WASHC2C: variants seen among roughly 807,000 people sequenced by gnomAD.
WASHC2C encodes Vaccinia Penetration Factor.
A neutral mutation model predicts 142.2 loss-of-function variants in WASHC2C; 73 were observed. The observed-to-expected ratio is 0.51, with a 90% confidence interval of 0.43 to 0.62. The LOEUF is 0.62. WASHC2C is among the 20% of genes least tolerant of loss of function. The pLI, the probability that WASHC2C is intolerant of heterozygous loss-of-function variation, is 0.00. For synonymous variants in WASHC2C, 337 were observed against 565.5 expected, an observed-to-expected ratio of 0.60 and a Z score of 5.73; for missense variants, 969 against 1,531.7, an observed-to-expected ratio of 0.63 and a Z score of 6.13.
Position 45,727,558 on chromosome 10 carries a change from G to C in WASHC2C, c.126+19G>C, listed in dbSNP as rs748350056. On this transcript the variant is annotated intron_variant, in intron 2 of 30. Transcript: ENST00000623400. ...CGCGGGCGTGAGAGGCGGGCCCCGG[G>C]GACGCGAGAGCGGCAGGGGTGACGC... 1.9e-6 allele frequency: 3 copies of C among 1,563,106 alleles called. No homozygotes were observed. The South Asian group carries it at 3.5e-5, about 18-fold the overall frequency.
chr10:45,783,766 G>A (rs1280271769), intron 23 of WASHC2C, among the ~76,000 whole-genome samples: 9 of 152,140 alleles, frequency 5.9e-5, no homozygotes, highest in African/African-American at 2.2e-4. Context: ...TGGCCTTTTT[G>A]TTAAGTTTTA....
chr10:45,784,089 C>A (rs1554888755), intron 23 of WASHC2C, among the ~76,000 whole-genome samples: 1 of 151,592 alleles, frequency 6.6e-6, no homozygotes, highest in African/African-American at 2.4e-5. Flanking sequence ...GAAGAGAATT[C>A]ATTCAGTTGT....
chr10:45,779,327 T>C (rs1340046012), intron 23 of WASHC2C, among the ~76,000 whole-genome samples, 192 bp downstream of exon 23: 3 of 146,140 alleles, frequency 2.1e-5, no homozygotes, highest in Admixed American at 2.0e-4. Flanking sequence ...AGTGTTAGGA[T>C]AGGGGATTAG....
intron 23 of WASHC2C, among the ~76,000 whole-genome samples, chr10:45,779,407 A>G (rs1554887422): frequency 6.6e-6 from 1 of 151,544 alleles, no homozygotes; most frequent in African/African-American, 2.4e-5. Context: ...CCCCTTGGCC[A>G]GTTGTGGGAT....
In WASHC2C at chr10:45,770,615, AT is replaced by A. The variant is rs1161662040; in HGVS notation, c.2039+999del. Among the ~76,000 whole-genome samples the A allele has an allele frequency of 3.9e-5, 6 of 152,340 alleles. No homozygotes were observed. In the South Asian group the frequency reaches 8.3e-4, roughly 21 times the overall value. ...GGTGTGGTTAAGCGTCATTTGATAG[AT>A]TCAGAAGTACCTCAGGTTTCTGTCT... is the stretch of plus-strand genomic sequence containing the variant. On this transcript the variant is annotated intron_variant, in intron 20 of 30. Transcript: ENST00000623400.
At chr10:45,757,927 G>A (rs1190843863) in intron 16 of WASHC2C, among the ~76,000 whole-genome samples, 1 of 152,254 alleles carries the variant, frequency 6.6e-6, no homozygotes, top group Non-Finnish European at 1.5e-5. Flanking sequence ...CAGGGTTGGG[G>A]ACCCCTGCTT....
Position 45,755,104 on chromosome 10 carries a change from C to A in WASHC2C, c.1409C>A (p.Pro470His). The A allele has an allele frequency of 6.2e-7, 1 of 1,608,628 alleles. No individual in the cohort carries two copies. Among genetic ancestry groups the A allele is most frequent in the Non-Finnish European group, 8.5e-7 (1 of 1,178,340 alleles). Residue 470 changes from proline (P) to histidine (H), a missense_variant, in exon 15 of 31, where the codon CCT (proline) becomes CAT (histidine). Coordinates refer to ENST00000623400, the MANE Select transcript of WASHC2C (RefSeq NM_001330074.2). ...DDFFSAPHSK[P>H]SKTRKVQSTA... The stretch of plus-strand genomic sequence containing the variant: ...TTTTTCTCGGCACCCCACAGCAAAC[C>A]TTCTAAAACACGTATGTGTTCCTGC...
At chr10:45,785,781 C>T (rs1294429318) in intron 26 of WASHC2C, 150 bp downstream of exon 26, 6 of 1,385,478 alleles carry the variant, frequency 4.3e-6, no homozygotes, top group Non-Finnish European at 6.0e-6. Context: ...GCACTTCCCC[C>T]GAGTCATCTC....
intron 17 of WASHC2C, among the ~76,000 whole-genome samples, chr10:45,759,968 T>C (rs1285088007): frequency 1.3e-5 from 2 of 149,724 alleles, no homozygotes; most frequent in South Asian, 2.1e-4. Flanking sequence ...GATTTTAAAC[T>C]GTTCATGGGC....
intron 21 of WASHC2C, among the ~76,000 whole-genome samples, chr10:45,773,892 C>CAAAA (rs71023148): frequency 1.3e-4 from 4 of 31,094 alleles, no homozygotes; most frequent in African/African-American, 2.6e-4. Context: ...TACTGCAGGC[C>CAAAA]AAAAAAAAAA....
At chr10:45,784,192 T>G (rs569325701) in intron 23 of WASHC2C, among the ~76,000 whole-genome samples, 26 of 148,150 alleles carry the variant, frequency 1.8e-4, no homozygotes, top group African/African-American at 6.4e-4. Context: ...TTATATAATA[T>G]ATATAACCTG....
intron 19 of WASHC2C, among the ~76,000 whole-genome samples, chr10:45,768,252 A>AG (rs1230131889): frequency 9.9e-5 from 15 of 150,986 alleles, no homozygotes; most frequent in Non-Finnish European, 1.3e-4. Flanking sequence ...AAAAAAAAAA[A>AG]AAAGAAAGAG....
At chr10:45,752,273 G>A (rs1254985949) in intron 11 of WASHC2C, among the ~76,000 whole-genome samples, 1 of 152,298 alleles carries the variant, frequency 6.6e-6, no homozygotes, top group Non-Finnish European at 1.5e-5. Context: ...GTTGGGGAAT[G>A]GGTCTTGAAT....
chr10:45,742,985 C>T (rs1307055755), intron 5 of WASHC2C, among the ~76,000 whole-genome samples: 4 of 151,612 alleles, frequency 2.6e-5, no homozygotes, highest in African/African-American at 9.7e-5. Context: ...AGTGATTCTC[C>T]TGCCTCAGCC....
intron 8 of WASHC2C, among the ~76,000 whole-genome samples, chr10:45,749,565 C>T (rs1481168959): frequency 6.6e-6 from 1 of 150,790 alleles, no homozygotes; most frequent in Non-Finnish European, 1.5e-5. Context: ...TGGCTCACGC[C>T]TGTAATCCTA....
intron 3 of WASHC2C, among the ~76,000 whole-genome samples, chr10:45,729,358 G>T (rs1490494173): frequency 2.6e-5 from 4 of 152,158 alleles, no homozygotes; most frequent in Non-Finnish European, 4.4e-5. Flanking sequence ...TGTTTACCTG[G>T]TTAGACCCTC....
intron 17 of WASHC2C, among the ~76,000 whole-genome samples, chr10:45,762,044 A>T (rs554474756): frequency 1.5e-4 from 23 of 151,462 alleles, no homozygotes; most frequent in African/African-American, 5.4e-4. Flanking sequence ...AGGTCTTAGA[A>T]ATATCTTCTT....
intron 19 of WASHC2C, among the ~76,000 whole-genome samples, chr10:45,766,571 A>G (rs1336317099): frequency 3.2e-4 from 47 of 145,232 alleles, no homozygotes; most frequent in Non-Finnish European, 5.1e-4. Flanking sequence ...CCCAATGGCC[A>G]TATATACTAG....
intron 10 of WASHC2C, among the ~76,000 whole-genome samples, chr10:45,751,050 A>AGATACC (rs2053526764): frequency 1.3e-5 from 2 of 152,188 alleles, no homozygotes; most frequent in Admixed American, 1.3e-4. Flanking sequence ...AGAAAAACGT[A>AGATACC]CATGTACACA....
Sources: allele counts gnomAD v4.1 joint callset (sites outside exome capture counted in the v4.1 genomes callset), GRCh38; gene constraint gnomAD v4.1.1; transcripts MANE v1.5; gene names NCBI Gene and HGNC (gene_info 2026-07-23, HGNC 2026-07-21).